The following WDFY2 variants were observed in gnomAD, a reference collection of about 807,000 sequenced individuals.
The protein encoded by WDFY2 is WD repeat and FYVE domain-containing protein 2.
A neutral mutation model predicts 56.4 loss-of-function variants in WDFY2; 36 were observed. The observed-to-expected ratio is 0.64, with a 90% CI of 0.49 to 0.84. The LOEUF (loss-of-function observed/expected upper bound fraction) is 0.84. Among genes scored for constraint, WDFY2 ranks in the 40% least tolerant of loss-of-function variants. The probability of loss-of-function intolerance (pLI) is 0.00; values close to 1 mark genes in which losing one functional copy is unlikely to be tolerated. For missense variants in WDFY2, 444 were observed against 512.2 expected (o/e 0.87, Z 1.29); for synonymous variants, 176 against 183.7 (o/e 0.96, Z 0.34).
chr13:51,651,627 G>A (rs898594509), intron 1 of WDFY2, among the ~76,000 whole-genome samples: 3 of 152,140 alleles, frequency 2.0e-5, no homozygotes, highest in East Asian at 1.9e-4. Context: ...CTTTGTTCTT[G>A]TTGGTTTCAA....
intron 5 of WDFY2, among the ~76,000 whole-genome samples, chr13:51,727,038 C>A (rs1948079333): frequency 6.6e-6 from 1 of 152,156 alleles, no homozygotes; most frequent in Non-Finnish European, 1.5e-5. Context: ...CATTTAGATC[C>A]CTAATTCATT....
At chr13:51,688,192 A>G (rs896134318) in intron 3 of WDFY2, among the ~76,000 whole-genome samples, 2 of 152,168 alleles carry the variant, frequency 1.3e-5, no homozygotes, top group African/African-American at 4.8e-5. Flanking sequence ...GTCCATGCCA[A>G]CCATTTGGTC....
At chr13:51,729,825 G>A (rs1952684971) in intron 6 of WDFY2, among the ~76,000 whole-genome samples, 1 of 152,146 alleles carries the variant, frequency 6.6e-6, no homozygotes, top group South Asian at 2.1e-4. Flanking sequence ...GTGGTAAAAT[G>A]TATAAAACAT....
At chr13:51,690,089 T>G (rs1261638074) in intron 3 of WDFY2, among the ~76,000 whole-genome samples, 3 of 151,878 alleles carry the variant, frequency 2.0e-5, no homozygotes, top group African/African-American at 7.2e-5. Context: ...TACTTATTTT[T>G]TATAGATTGT....
At chr13:51,750,573 A>G (rs1953209930) in intron 7 of WDFY2, among the ~76,000 whole-genome samples, 1 of 151,442 alleles carries the variant, frequency 6.6e-6, no homozygotes, top group Admixed American at 6.6e-5. Flanking sequence ...TATGTACCCT[A>G]TTCTCTCACC....
At chr13:51,606,384 C>T (rs1007524707) in intron 1 of WDFY2, among the ~76,000 whole-genome samples, 17 of 152,084 alleles carry the variant, frequency 1.1e-4, no homozygotes, top group African/African-American at 3.9e-4. Context: ...GAAGAAATTA[C>T]CTATGCTGTT....
chr13:51,699,460 A>G (rs1467519550), intron 3 of WDFY2, among the ~76,000 whole-genome samples: 1 of 152,208 alleles, frequency 6.6e-6, no homozygotes, highest in Non-Finnish European at 1.5e-5. Context: ...CCGATATTGC[A>G]CCTTCAAATA....
chr13:51,694,729 G>C (rs1429491177), intron 3 of WDFY2, among the ~76,000 whole-genome samples: 1 of 152,188 alleles, frequency 6.6e-6, no homozygotes, highest in Admixed American at 6.5e-5. Flanking sequence ...ATGTTGGCCT[G>C]CCTTGCTAGA....
At chr13:51,758,461 G>C (rs1953469926) in intron 11 of WDFY2, among the ~76,000 whole-genome samples, 161 bp downstream of exon 11, 1 of 151,536 alleles carries the variant, frequency 6.6e-6, no homozygotes, top group African/African-American at 2.4e-5. Context: ...TTAGGAGGGA[G>C]GATTGCTTGA....
Position 51,743,524 on chromosome 13 carries a change from G to A in WDFY2, c.725+4349G>A, listed in dbSNP as rs141983486. ...AATGGCGGTTGTTAAGATTACTCTT[G>A]TTAATAAAAAATTCCAAGTCAAAAA... is the stretch of plus-strand genomic sequence containing the variant. On this transcript the variant is annotated intron_variant, in intron 7 of 11. Coordinates refer to ENST00000298125, the MANE Select transcript of WDFY2 (RefSeq NM_052950.4). 9.8e-3 allele frequency among the ~76,000 whole-genome samples: 1,492 copies of A among 152,320 alleles called. 13 individuals carry two copies. Among genetic ancestry groups the A allele is most frequent in the East Asian group, 0.03 (157 of 5,190 alleles).
chr13:51,694,825 G>T (rs1022303642), intron 3 of WDFY2, among the ~76,000 whole-genome samples: 5 of 151,676 alleles, frequency 3.3e-5, no homozygotes, highest in Non-Finnish European at 7.4e-5. Flanking sequence ...ACACCAATCA[G>T]ACGTAGATTT....
At chr13:51,739,212 A>G (rs766573328) in intron 7 of WDFY2, 37 bp downstream of exon 7, 14 of 1,547,646 alleles carry the variant, frequency 9.0e-6, no homozygotes, top group African/African-American at 2.7e-5. Context: ...ACTCTGAGAA[A>G]AGATTCTCAG....
chr13:51,623,865 G>C (rs183782197), intron 1 of WDFY2, among the ~76,000 whole-genome samples: 1 of 150,846 alleles, frequency 6.6e-6, no homozygotes, highest in African/African-American at 2.4e-5. Context: ...AAAGGAATAG[G>C]CACTTTTTTT....
rs574066062 is a variant in WDFY2 at position 51,745,839 on chromosome 13, C to A, written c.726-5471C>A. On this transcript the variant is annotated intron_variant, in intron 7 of 11. Transcript: ENST00000298125. ...AAAGAGTGTTAATTAACCATATAGGCCACTCGGATTTGTTTTGCATATCCA... is the reference window on the plus strand; with the variant it reads ...AAAGAGTGTTAATTAACCATATAGGACACTCGGATTTGTTTTGCATATCCA... Among the ~76,000 whole-genome samples, 8 of 151,360 alleles carry A rather than the reference C, an allele frequency of 5.3e-5. No individual in the cohort carries two copies. In the East Asian group the frequency reaches 1.5e-3, roughly 29 times the overall value.
intron 2 of WDFY2, among the ~76,000 whole-genome samples, chr13:51,671,869 T>C (rs1483981117): frequency 6.8e-6 from 1 of 145,988 alleles, no homozygotes; most frequent in Non-Finnish European, 1.5e-5. Flanking sequence ...CTGCAACCTC[T>C]GCCTCCCGGA....
chr13:51,650,951 C>T (rs1955369220), intron 1 of WDFY2, among the ~76,000 whole-genome samples: 1 of 152,212 alleles, frequency 6.6e-6, no homozygotes, highest in South Asian at 2.1e-4. Context: ...GGAGGATTCC[C>T]TCTTTTTCTA....
chr13:51,726,733 G>A (rs978609514), intron 5 of WDFY2, among the ~76,000 whole-genome samples: 2 of 152,188 alleles, frequency 1.3e-5, no homozygotes, highest in Non-Finnish European at 2.9e-5. Flanking sequence ...ATCACAGTCA[G>A]AGCTGCTGTG....
chr13:51,587,121 G>C (rs935845722), intron 1 of WDFY2: 1 of 152,194 alleles, frequency 6.6e-6, no homozygotes, highest in East Asian at 1.9e-4. Context: ...AAAGCCGCAA[G>C]TAATGTTCCA....
At chr13:51,605,750 G>A (rs1954374204) in intron 1 of WDFY2, among the ~76,000 whole-genome samples, 2 of 152,168 alleles carry the variant, frequency 1.3e-5, no homozygotes, top group South Asian at 4.1e-4. Flanking sequence ...GCGTGATGAA[G>A]GAGAATGCAA....
Sources: allele counts gnomAD v4.1 joint callset (sites outside exome capture counted in the v4.1 genomes callset), GRCh38; gene constraint gnomAD v4.1.1; transcripts MANE v1.5; gene names NCBI Gene and HGNC (gene_info 2026-07-23, HGNC 2026-07-21).